PTCHD1: variants seen among roughly 807,000 people sequenced by gnomAD.
PTCHD1 encodes the protein patched domain-containing protein 1.
In PTCHD1, 3 loss-of-function variants were observed where a neutral mutation model predicts 34.6. The observed-to-expected ratio is 0.09, with a 90% confidence interval of 0.04 to 0.22. The LOEUF (loss-of-function observed/expected upper bound fraction) is 0.22, where lower values mean the gene tolerates loss of function less well. PTCHD1 is among the 10% of genes least tolerant of loss of function. The pLI, the probability that PTCHD1 is intolerant of heterozygous loss-of-function variation, is 1.00. For synonymous variants in PTCHD1, 305 were observed against 283.1 expected (o/e 1.08, Z -0.77); for missense variants, 504 against 685.5 (o/e 0.74, Z 2.96).
intron 1 of PTCHD1, among the ~76,000 whole-genome samples, chrX:23,345,992 T>C (rs192575477): frequency 5.4e-5 from 6 of 111,610 alleles, no homozygotes; most frequent in Admixed American, 1.9e-4. Context: ...AAGGACACCC[T>C]GAGATGGAGG....
rs1310052070 is a variant in PTCHD1 at position 23,346,777 on chromosome X, C to G, written c.351+11551C>G. On this transcript the variant is annotated intron_variant, in intron 1 of 2. Coordinates refer to ENST00000379361, the MANE Select transcript of PTCHD1 (RefSeq NM_173495.3). ...GACCCTGGCAACTAATGTTCAGTGT[C>G]AATTACTGTTTGATGTCAAGTGCTG... Among the ~76,000 whole-genome samples the G allele has an allele frequency of 2.7e-5, 3 of 111,670 alleles. No homozygotes were observed. The Admixed American group carries it at 2.8e-4, about 11-fold the overall frequency.
At chrX:23,352,027 G>A (rs773603291) in intron 1 of PTCHD1, among the ~76,000 whole-genome samples, 50 of 111,820 alleles carry the variant, frequency 4.5e-4, no homozygotes, top group African/African-American at 1.4e-3. Context: ...GTTTGAGGAC[G>A]TGGGAGAAGA....
intron 2 of PTCHD1, among the ~76,000 whole-genome samples, chrX:23,388,324 A>G (rs2146648229): frequency 8.9e-6 from 1 of 112,330 alleles, no homozygotes; most frequent in East Asian, 2.8e-4. Context: ...TTTAACAGAG[A>G]AGCTTATAGA....
upstream of PTCHD1, chrX:23,334,762 C>G (rs1236022238): frequency 6.5e-6 from 1 of 154,361 alleles, no homozygotes; most frequent in Admixed American, 1.0e-4. Flanking sequence ...GCCGCCGCCG[C>G]CGTCGCCGCC....
At chrX:23,338,177 C>T (rs1245478080) in intron 1 of PTCHD1, among the ~76,000 whole-genome samples, 1 of 111,813 alleles carries the variant, frequency 8.9e-6, no homozygotes, top group East Asian at 2.8e-4. Context: ...TACAGGGCAA[C>T]GATGCATTAT....
intron 2 of PTCHD1, among the ~76,000 whole-genome samples, chrX:23,381,909 T>C (rs1220763658): frequency 1.8e-5 from 2 of 112,040 alleles, no homozygotes; most frequent in Non-Finnish European, 3.8e-5. Flanking sequence ...TATTAGTAGC[T>C]TCCACAGAGG....
At chrX:23,369,687 T>G (rs1029581719) in intron 1 of PTCHD1, among the ~76,000 whole-genome samples, 2 of 111,981 alleles carry the variant, frequency 1.8e-5, no homozygotes, top group African/African-American at 6.5e-5. Context: ...TTTCCTTCTT[T>G]TACCCCTACC....
chrX:23,378,070 G>A lies in PTCHD1; in HGVS notation c.352-1521G>A, dbSNP rs145858831. Among the ~76,000 whole-genome samples the A allele has an allele frequency of 1.4e-3, 155 of 111,963 alleles. 1 individual carries two copies. Among genetic ancestry groups the A allele is most frequent in the African/African-American group, 4.7e-3 (146 of 30,801 alleles). ...CTCAGTGCTAAGCACAGTCGTAGAT[G>A]TACTAGTTTACTTAACACTCAACTA... On this transcript the variant is annotated intron_variant, in intron 1 of 2. Transcript: ENST00000379361.
intron 1 of PTCHD1, among the ~76,000 whole-genome samples, chrX:23,355,338 T>C (rs143801707): frequency 1.5e-3 from 168 of 112,565 alleles, no homozygotes; most frequent in Middle Eastern, 9.2e-3. Context: ...TGCCGCCTAT[T>C]GGGGTCTCTC....
chrX:23,394,302 CAA>C lies in PTCHD1; in HGVS notation c.*138_*139del, dbSNP rs765690048. 6.0e-3 allele frequency: 313 copies of C among 51,768 alleles called. No homozygotes were observed. Among genetic ancestry groups the C allele is most frequent in the Middle Eastern group, 0.024 (3 of 124 alleles). The allele number at this position is 51,768 out of a possible 1,213,427, so 4.3% of individuals were successfully genotyped here. On this transcript the variant is annotated 3_prime_UTR_variant, in exon 3 of 3. Transcript: ENST00000379361. ...TTTAAAGATAGGAAACAGGCATTGC[CAA>C]AAAAAAAAAAAAAAAAAAAAGGAAA... is the stretch of plus-strand genomic sequence containing the variant.
intron 1 of PTCHD1, among the ~76,000 whole-genome samples, chrX:23,361,385 T>A (rs1418521549): frequency 1.8e-5 from 2 of 112,170 alleles, no homozygotes; most frequent in African/African-American, 6.5e-5. Flanking sequence ...GTTGAATTGA[T>A]CCTTTTACTA....
At chrX:23,366,700 A>T (rs1321978452) in intron 1 of PTCHD1, among the ~76,000 whole-genome samples, 1 of 111,484 alleles carries the variant, frequency 9.0e-6, no homozygotes, top group Non-Finnish European at 1.9e-5. Context: ...AACTCCACAA[A>T]GATTTTGTAG....
chrX:23,384,817 A>G (rs1315825172), intron 2 of PTCHD1, among the ~76,000 whole-genome samples: 2 of 111,854 alleles, frequency 1.8e-5, no homozygotes, highest in Non-Finnish European at 3.8e-5. Context: ...CAAATATCCA[A>G]CCATTTTTGG....
At position 23,403,279 on chromosome X, in the gene PTCHD1, C is replaced by G. The variant is rs755076919; in HGVS notation, c.*9094C>G. 2.7e-5 allele frequency: 3 copies of G among 112,165 alleles called. No homozygotes were observed. The highest frequency in any genetic ancestry group is 5.6e-5 in the Non-Finnish European group (3 of 53,251). The allele number at this position is 112,165 out of a possible 1,213,427, so 9.2% of individuals were successfully genotyped here. A position where few individuals can be genotyped will look rare whatever the true frequency, so the allele number is the denominator to read the frequency against. ...AGTATTTTAGTTGGGTTTCTTCACA[C>G]TTAGGCAAGTGGGTGATTCTGGTCA... is the stretch of plus-strand genomic sequence containing the variant. On this transcript the variant is annotated 3_prime_UTR_variant, in exon 3 of 3. Transcript: ENST00000379361.
intron 1 of PTCHD1, among the ~76,000 whole-genome samples, chrX:23,365,001 A>G (rs1922100704): frequency 8.9e-6 from 1 of 112,240 alleles, no homozygotes; most frequent in Non-Finnish European, 1.9e-5. Flanking sequence ...TACTTCTTGA[A>G]GAGTTACGGT....
rs766753228 is a variant in PTCHD1 at position 23,343,627 on chromosome X, GAGGAACAGAAAGTATTGTTCT to G, written c.351+8403_351+8423del. Among the ~76,000 whole-genome samples, 460 of 112,260 alleles carry G rather than the reference GAGGAACAGAAAGTATTGTTCT, an allele frequency of 4.1e-3. 2 individuals carry two copies. The highest frequency in any genetic ancestry group is 0.014 in the African/African-American group (423 of 30,938). ...CCCACTCTTCTTAAAAGTTAGCCCA[GAGGAACAGAAAGTATTGTTCT>G]AAGAGGCAAACTTAAAAGAAAATGA... On this transcript the variant is annotated intron_variant, in intron 1 of 2. Coordinates refer to ENST00000379361, the MANE Select transcript of PTCHD1 (RefSeq NM_173495.3).
Position 23,396,750 on chromosome X carries a change from T to G in PTCHD1, c.*2565T>G, listed in dbSNP as rs1922998968. ...CTTGTCAACTTCTCTTTTCAGCACT[T>G]GAAATGAAGGCTTATGGAATTCTGA... On this transcript the variant is annotated 3_prime_UTR_variant, in exon 3 of 3. Transcript: ENST00000379361. 1 of 112,484 alleles carries G rather than the reference T, an allele frequency of 8.9e-6. No homozygotes were observed. Among genetic ancestry groups the G allele is most frequent in the Non-Finnish European group, 1.9e-5 (1 of 53,254 alleles). The allele number at this position is 112,484 out of a possible 1,213,427, so 9.3% of individuals were successfully genotyped here.
At chrX:23,352,104 AAG>A (rs1046684093) in intron 1 of PTCHD1, among the ~76,000 whole-genome samples, 3 of 112,042 alleles carry the variant, frequency 2.7e-5, no homozygotes, top group Non-Finnish European at 3.8e-5. Flanking sequence ...TGACCTTAAA[AAG>A]AGAGAGAGCC....
intron 1 of PTCHD1, among the ~76,000 whole-genome samples, chrX:23,340,687 T>A: frequency 8.9e-6 from 1 of 111,930 alleles, no homozygotes; most frequent in East Asian, 2.8e-4. Flanking sequence ...AACCTTCGGT[T>A]TAGAAGGCAC....
Sources: gnomAD v4.1 joint callset for allele counts (sites outside exome capture counted in the v4.1 genomes callset) on GRCh38, gnomAD v4.1.1 for gene constraint, MANE v1.5 for transcripts, NCBI Gene and HGNC (gene_info 2026-07-23, HGNC 2026-07-21) for gene names.